Variants in STAMBP observed in about 807,000 individuals in gnomAD.
The protein encoded by STAMBP is STAM-binding protein.
In STAMBP, 31 loss-of-function variants were observed where a neutral mutation model predicts 50.7. The ratio of observed to expected loss-of-function variants is 0.61; its 90% CI spans 0.46 to 0.83. The LOEUF is 0.83. Ranked by LOEUF, STAMBP falls within the 40% of genes least tolerant of loss-of-function variation. The pLI is 0.00. For synonymous variants in STAMBP, 211 were observed against 192.4 expected (o/e 1.10, Z -0.80); for missense variants, 472 against 518.9 (o/e 0.91, Z 0.88).
downstream of STAMBP, among the ~76,000 whole-genome samples, chr2:73,871,757 A>G (rs969311506): frequency 1.3e-5 from 2 of 152,064 alleles, no homozygotes; most frequent in African/African-American, 2.4e-5. Flanking sequence ...TTGCCTTGGT[A>G]AACTCAGCAA....
intron 2 of STAMBP, among the ~76,000 whole-genome samples, chr2:73,835,308 C>T (rs183805453): frequency 1.7e-4 from 25 of 149,096 alleles, no homozygotes; most frequent in Middle Eastern, 3.4e-3. Context: ...GAGCCAAGAT[C>T]GCGGCACTGC....
intron 2 of STAMBP, among the ~76,000 whole-genome samples, chr2:73,833,554 A>G (rs1266035724): frequency 1.3e-5 from 2 of 152,142 alleles, no homozygotes; most frequent in Admixed American, 1.3e-4. Context: ...ATAAGCTTGT[A>G]GATTGTTCTC....
intron 2 of STAMBP, among the ~76,000 whole-genome samples, chr2:73,843,468 C>T (rs1240662058): frequency 6.9e-6 from 1 of 145,640 alleles, no homozygotes; most frequent in African/African-American, 2.7e-5. Flanking sequence ...AAGGTCTCAC[C>T]CTGTTACCCA....
chr2:73,869,498 AT>A (rs1037305848), downstream of STAMBP, among the ~76,000 whole-genome samples: 14 of 152,186 alleles, frequency 9.2e-5, no homozygotes, highest in African/African-American at 1.4e-4. Flanking sequence ...AAAAAGTATC[AT>A]TTTTTAACTT....
intron 1 of STAMBP, among the ~76,000 whole-genome samples, chr2:73,830,150 G>A (rs1673719068): frequency 6.6e-6 from 1 of 152,152 alleles, no homozygotes; most frequent in African/African-American, 2.4e-5. Flanking sequence ...GTGCCTTTTT[G>A]TTATTCAGTG....
chr2:73,831,016 G>A lies in STAMBP; in HGVS notation c.160G>A (p.Gly54Ser). The change falls in exon 2 of 10, where the codon GGC becomes AGC. Residue 54 changes from glycine to serine, a missense_variant. Physicochemically the swap from Gly to Ser is moderately conservative, Grantham distance 56. Coordinates refer to ENST00000394070, the MANE Select transcript of STAMBP (RefSeq NM_213622.4). ...AATGGCATCCATTTACTCTGAGGAA[G>A]GCAACATTGAACATGCCTTCATCCT... ...IRMASIYSEEGNIEHAFILYN... is the reference protein window; with the variant it reads ...IRMASIYSEESNIEHAFILYN... 6 of 1,614,232 alleles carry A rather than the reference G, an allele frequency of 3.7e-6. No individual in the cohort carries two copies. Among genetic ancestry groups the A allele is most frequent in the South Asian group, 1.1e-5 (1 of 91,092 alleles).
chr2:73,853,304 G>A (rs1420008032), intron 7 of STAMBP, among the ~76,000 whole-genome samples: 1 of 152,186 alleles, frequency 6.6e-6, no homozygotes, highest in Non-Finnish European at 1.5e-5. Context: ...GGAGAAACAT[G>A]GAATGGTGGT....
At chr2:73,832,998 G>C (rs1674152197) in intron 2 of STAMBP, among the ~76,000 whole-genome samples, 1 of 152,202 alleles carries the variant, frequency 6.6e-6, no homozygotes, top group African/African-American at 2.4e-5. Context: ...GTTTAATCCA[G>C]TAGAAAAAGG....
At position 73,837,517 on chromosome 2, in the gene STAMBP, G is replaced by A. The variant is rs112215001; in HGVS notation, c.203+6458G>A. Among the ~76,000 whole-genome samples the A allele has an allele frequency of 8.4e-3, 1,251 of 149,198 alleles. 26 individuals are homozygous for A. The highest frequency in any genetic ancestry group is 0.029 in the African/African-American group (1,160 of 40,524). Reference sequence around the variant, plus strand: ...GGAGAATGGCGTGAACCCGGGAGGCGGAGCTTGCAGTGAGCCGAGATCGCG... The same window carrying A: ...GGAGAATGGCGTGAACCCGGGAGGCAGAGCTTGCAGTGAGCCGAGATCGCG... On this transcript the variant is annotated intron_variant, in intron 2 of 9. Transcript: ENST00000394070.
At chr2:73,855,137 A>AT (rs557416441) in intron 7 of STAMBP, among the ~76,000 whole-genome samples, 8 of 152,310 alleles carry the variant, frequency 5.3e-5, no homozygotes, top group Non-Finnish European at 1.2e-4. Flanking sequence ...TTATGGATTG[A>AT]TCACCAACTG....
chr2:73,843,400 G>A (rs1488894578), intron 2 of STAMBP, among the ~76,000 whole-genome samples: 1 of 124,080 alleles, frequency 8.1e-6, no homozygotes, highest in Non-Finnish European at 1.6e-5. Context: ...ATATATGTTT[G>A]TGTATGTATA....
chr2:73,832,108 T>TATATATATATATATATAGAC (rs1006072205), intron 2 of STAMBP, among the ~76,000 whole-genome samples: 1 of 122,902 alleles, frequency 8.1e-6, no homozygotes, highest in Non-Finnish European at 1.6e-5. Context: ...TATATATATA[T>TATATATATATATATATAGAC]ACACATATAT....
At chr2:73,837,153 C>T (rs1452262748) in intron 2 of STAMBP, among the ~76,000 whole-genome samples, 2 of 152,080 alleles carry the variant, frequency 1.3e-5, no homozygotes, top group Non-Finnish European at 2.9e-5. Context: ...ATTTTGTCAC[C>T]AGTAGAAATC....
At chr2:73,860,181 T>C in intron 9 of STAMBP, 30 bp downstream of exon 9, 1 of 1,576,190 alleles carries the variant, frequency 6.3e-7, no homozygotes. Context: ...AAAATGGGGC[T>C]ATGCTTCAAG....
intron 2 of STAMBP, among the ~76,000 whole-genome samples, chr2:73,835,938 G>C (rs1479120867): frequency 6.6e-6 from 1 of 152,096 alleles, no homozygotes; most frequent in Non-Finnish European, 1.5e-5. Context: ...GGAGTCCTCA[G>C]CATACAGATG....
Position 73,862,429 on chromosome 2 carries a change from C to G in STAMBP, c.*170C>G. Reference sequence around the variant, plus strand: ...TCAGGTTTGAAAAGAAATAACTGAACATATTTTTTAGGCAAGTCAGAAAGA... The same window carrying G: ...TCAGGTTTGAAAAGAAATAACTGAAGATATTTTTTAGGCAAGTCAGAAAGA... On this transcript the variant is annotated 3_prime_UTR_variant, in exon 10 of 10. Transcript: ENST00000394070. 1 of 478,514 alleles carries G rather than the reference C, an allele frequency of 2.1e-6. No individual in the cohort carries two copies. The highest frequency in any genetic ancestry group is 3.6e-6 in the Non-Finnish European group (1 of 277,476). The allele number at this position is 478,514 out of a possible 1,614,324, so 29.6% of individuals were successfully genotyped here.
At chr2:73,841,944 C>G (rs1675441042) in intron 2 of STAMBP, among the ~76,000 whole-genome samples, 1 of 152,076 alleles carries the variant, frequency 6.6e-6, no homozygotes, top group African/African-American at 2.4e-5. Flanking sequence ...ATGTACAGGT[C>G]TGGGAGGTTT....
At position 73,829,228 on chromosome 2, in the gene STAMBP, T is replaced by A. The variant is rs1262030113; in HGVS notation, c.-295T>A. On this transcript the variant is annotated 5_prime_UTR_variant, in exon 1 of 10. The change abolishes an upstream ATG in the 5' untranslated region. Coordinates refer to ENST00000394070, the MANE Select transcript of STAMBP (RefSeq NM_213622.4). Reference sequence around the variant, plus strand: ...TTTGAAAGATCCCGAAAACCCTGGATGATTGTGCCTGGGGTTGGCAAGTTC... The same window carrying A: ...TTTGAAAGATCCCGAAAACCCTGGAAGATTGTGCCTGGGGTTGGCAAGTTC... 4 of 152,294 alleles carry A rather than the reference T, an allele frequency of 2.6e-5. No homozygotes were observed. Among genetic ancestry groups the A allele is most frequent in the African/African-American group, 7.2e-5 (3 of 41,462 alleles). The allele number at this position is 152,294 out of a possible 1,614,324, so 9.4% of individuals were successfully genotyped here. A position where few individuals can be genotyped will look rare whatever the true frequency, so the allele number is the denominator to read the frequency against.
At chr2:73,860,472 C>T (rs902250522) in intron 9 of STAMBP, 6 of 711,908 alleles carry the variant, frequency 8.4e-6, no homozygotes, top group South Asian at 6.2e-5. Context: ...GCAGGAAGTA[C>T]GTAATGCAGT....
Sources: allele counts gnomAD v4.1 joint callset (sites outside exome capture counted in the v4.1 genomes callset), GRCh38; gene constraint gnomAD v4.1.1; transcripts MANE v1.5; gene names NCBI Gene and HGNC (gene_info 2026-07-23, HGNC 2026-07-21).